The following INTS7 variants were observed in gnomAD, a reference collection of about 807,000 sequenced individuals.
The protein encoded by INTS7 is chromosome 1 open reading frame 73.
In INTS7, 46 loss-of-function variants were observed where a neutral mutation model predicts 109.2. The ratio of observed to expected loss-of-function variants is 0.42; its 90% CI spans 0.33 to 0.54. INTS7 has a LOEUF of 0.54. INTS7 is among the 20% of genes least tolerant of loss of function. The pLI, the probability that INTS7 is intolerant of heterozygous loss-of-function variation, is 0.07. For missense variants in INTS7, 929 were observed against 1,132.4 expected (o/e 0.82, Z 2.58); for synonymous variants, 412 against 402.9 (o/e 1.02, Z -0.27).
rs746649991 is a variant in INTS7 at position 211,952,630 on chromosome 1, T to A, written c.2255A>T (p.Tyr752Phe). 1.4e-5 allele frequency: 22 copies of A among 1,612,224 alleles called. No homozygotes were observed. Among genetic ancestry groups the A allele is most frequent in the Non-Finnish European group, 1.7e-5 (20 of 1,178,570 alleles). Residue 752 changes from tyrosine (Y) to phenylalanine (F), a missense_variant, in exon 17 of 20, where the codon TAT becomes TTT. Coordinates refer to ENST00000366994, the MANE Select transcript of INTS7 (RefSeq NM_015434.4). Reference protein sequence around the residue: ...SEYERRMMSVYNHVLEEVESL... With the variant: ...SEYERRMMSVFNHVLEEVESL... ...TTCTACCTCCTCCAAGACATGATTA[T>A]ATACAGACATCATTCTTCTTTCATA...
chr1:211,977,537 A>C (rs1664473071), intron 11 of INTS7, among the ~76,000 whole-genome samples: 1 of 152,216 alleles, frequency 6.6e-6, no homozygotes, highest in African/African-American at 2.4e-5. Context: ...TCTTTTACAC[A>C]ATTCCCTCTG....
At chr1:211,994,129 G>A (rs1665265386) in intron 7 of INTS7, among the ~76,000 whole-genome samples, 1 of 152,092 alleles carries the variant, frequency 6.6e-6, no homozygotes, top group South Asian at 2.1e-4. Context: ...AAAGACAAAA[G>A]GAGAGAAGGA....
chr1:211,973,867 T>C (rs1393663714), intron 13 of INTS7, among the ~76,000 whole-genome samples: 4 of 152,162 alleles, frequency 2.6e-5, no homozygotes, highest in Non-Finnish European at 5.9e-5. Flanking sequence ...AAAAGGAGAA[T>C]ATCTGAGGCC....
intron 13 of INTS7, among the ~76,000 whole-genome samples, chr1:211,968,981 A>T (rs1042035464): frequency 1.3e-5 from 2 of 152,182 alleles, no homozygotes; most frequent in East Asian, 3.8e-4. Flanking sequence ...ATTGTCAAGA[A>T]CATCATCAAG....
At chr1:211,974,442 G>A (rs953823697) in intron 13 of INTS7, among the ~76,000 whole-genome samples, 29 of 151,120 alleles carry the variant, frequency 1.9e-4, no homozygotes, top group African/African-American at 6.6e-4. Context: ...ATAAATGTAC[G>A]TAAACAGGTA....
chr1:211,988,009 A>G lies in INTS7; in HGVS notation c.880-6T>C. Reference sequence around the variant, plus strand: ...AGGGCACACTCACAAAGTGCCTGGAATGCAGAAGAGAAATGAATATAGAAG... The same window carrying G: ...AGGGCACACTCACAAAGTGCCTGGAGTGCAGAAGAGAAATGAATATAGAAG... On this transcript the variant is annotated splice_region_variant and splice_polypyrimidine_tract_variant and intron_variant, in intron 7 of 19. Coordinates refer to ENST00000366994, the MANE Select transcript of INTS7 (RefSeq NM_015434.4). 1 of 1,417,504 alleles carries G rather than the reference A, an allele frequency of 7.1e-7. No homozygotes were observed. The highest frequency in any genetic ancestry group is 9.9e-7 in the Non-Finnish European group (1 of 1,005,128). 87.8% of individuals were successfully genotyped at this position (1,417,504 alleles called of 1,614,324 possible).
At chr1:211,947,658 GAGGGTCCCAGCCGCTTAC>G (rs1662900960) in intron 17 of INTS7, among the ~76,000 whole-genome samples, 1 of 152,150 alleles carries the variant, frequency 6.6e-6, no homozygotes, top group Non-Finnish European at 1.5e-5. Flanking sequence ...CAGTCCAGCT[GAGGGTCCCAGCCGCTTAC>G]AGGCTCCTGC....
intron 1 of INTS7, among the ~76,000 whole-genome samples, chr1:212,023,383 T>C (rs1038944868): frequency 2.6e-5 from 4 of 152,336 alleles, no homozygotes; most frequent in Middle Eastern, 3.4e-3. Flanking sequence ...TATATAAGCA[T>C]TCCCTTTTCT....
intron 16 of INTS7, among the ~76,000 whole-genome samples, chr1:211,961,775 G>A (rs1308962452): frequency 1.3e-5 from 2 of 151,958 alleles, no homozygotes; most frequent in Non-Finnish European, 2.9e-5. Flanking sequence ...ATTCATATCC[G>A]GCCAAACTAA....
rs1427996652 is a variant in INTS7, at chr1:212,020,015, TAAAC to T, written c.371+103_371+106del. 1.3e-5 allele frequency: 10 copies of T among 787,224 alleles called. No individual in the cohort carries two copies. In the Admixed American group the frequency reaches 1.6e-4, roughly 12 times the overall value. The allele number at this position is 787,224 out of a possible 1,614,324, so 48.8% of individuals were successfully genotyped here. A position where few individuals can be genotyped will look rare whatever the true frequency, so the allele number is the denominator to read the frequency against. On this transcript the variant is annotated intron_variant, in intron 3 of 19. Transcript: ENST00000366994. ...GCCTTGACTCTTAGTCAAAAAAACA[TAAAC>T]AACTCCTAATACTCAAAATGAAAAA...
At chr1:211,954,130 T>C (rs1663245896) in intron 16 of INTS7, among the ~76,000 whole-genome samples, 1 of 152,256 alleles carries the variant, frequency 6.6e-6, no homozygotes, top group Non-Finnish European at 1.5e-5. Context: ...TGGTTTTGAC[T>C]TGCATTTCTC....
rs1211535856 is a variant in INTS7 at position 211,946,426 on chromosome 1, A to C, written c.2415+181T>G. On this transcript the variant is annotated intron_variant, in intron 18 of 19. Transcript: ENST00000366994. This position sits in a 1 kb window ranked among gnomAD's most constrained non-coding sequence, Gnocchi z 4.3. ...TGAACCCGGAGGTTGCGGTGAGCCA[A>C]AATCACACCACTGTACTCCAGCCCA... is the stretch of plus-strand genomic sequence containing the variant. 1.3e-5 allele frequency among the ~76,000 whole-genome samples: 2 copies of C among 152,188 alleles called. No individual in the cohort carries two copies. Among genetic ancestry groups the C allele is most frequent in the African/African-American group, 2.4e-5 (1 of 41,434 alleles).
chr1:212,011,040 A>G (rs768249598), intron 5 of INTS7, among the ~76,000 whole-genome samples: 13 of 152,124 alleles, frequency 8.5e-5, no homozygotes, highest in Non-Finnish European at 1.6e-4. Context: ...TATAAAATAG[A>G]TAAGTCCCTT....
Position 211,981,124 on chromosome 1 carries a change from T to G in INTS7, c.1199A>C (p.Asp400Ala). The G allele has an allele frequency of 6.2e-7, 1 of 1,613,372 alleles. No individual in the cohort carries two copies. Among genetic ancestry groups the G allele is most frequent in the Non-Finnish European group, 8.5e-7 (1 of 1,179,424 alleles). ...LESLLVLCSQ[D>A]DSPGAQATLK... ...AGTGGCCTGAGCACCTGGACTATCATCTTGACTACAAAGTACCAGTAGGGA... is the reference window on the plus strand; with the variant it reads ...AGTGGCCTGAGCACCTGGACTATCAGCTTGACTACAAAGTACCAGTAGGGA... Residue 400 changes from aspartate (D) to alanine (A), a missense_variant, in exon 10 of 20, where the codon GAT becomes GCT. Physicochemically the swap from Asp to Ala is moderately radical, Grantham distance 126. Coordinates refer to ENST00000366994, the MANE Select transcript of INTS7 (RefSeq NM_015434.4).
intron 1 of INTS7, among the ~76,000 whole-genome samples, chr1:212,026,539 T>A (rs1256061524): frequency 3.3e-5 from 5 of 150,548 alleles, no homozygotes; most frequent in Non-Finnish European, 7.4e-5. Flanking sequence ...CCAAAAGGGA[T>A]AATTCTAAGT....
chr1:211,943,470 C>T lies in INTS7; in HGVS notation c.2601+1314G>A, dbSNP rs372476320. On this transcript the variant is annotated intron_variant, in intron 19 of 19. Coordinates refer to ENST00000366994, the MANE Select transcript of INTS7 (RefSeq NM_015434.4). ...TAAATTATGTAAATTCTCATTACAA[C>T]CTTCTGTGACAGCAGATACCCAATT... Among the ~76,000 whole-genome samples, 16 of 152,174 alleles carry T rather than the reference C, an allele frequency of 1.1e-4. No individual in the cohort carries two copies. In the East Asian group the frequency reaches 1.5e-3, roughly 15 times the overall value.
intron 16 of INTS7, among the ~76,000 whole-genome samples, chr1:211,954,896 A>C (rs1052594575): frequency 6.6e-6 from 1 of 152,108 alleles, no homozygotes; most frequent in Non-Finnish European, 1.5e-5. Context: ...TTTTGGTTCC[A>C]TATGAACTTT....
intron 1 of INTS7, among the ~76,000 whole-genome samples, chr1:212,034,775 GTAA>G (rs939070595): frequency 1.1e-4 from 16 of 151,918 alleles, no homozygotes; most frequent in African/African-American, 3.9e-4. Flanking sequence ...TTAACTCAGT[GTAA>G]CCCCAAAGCT....
chr1:212,034,072 C>A (rs1467294361), intron 1 of INTS7, among the ~76,000 whole-genome samples: 9 of 151,596 alleles, frequency 5.9e-5, no homozygotes, highest in Non-Finnish European at 1.5e-5. Flanking sequence ...AACAGAGCAA[C>A]ACTCTGTCTC....
Sources: gnomAD v4.1 joint callset for allele counts (sites outside exome capture counted in the v4.1 genomes callset) on GRCh38, gnomAD v4.1.1 for gene constraint, Gnocchi (gnomAD v3.1) non-coding constraint, MANE v1.5 for transcripts, NCBI Gene and HGNC (gene_info 2026-07-23, HGNC 2026-07-21) for gene names.